Variants in SLC25A21 observed in about 807,000 individuals in gnomAD.
The protein encoded by SLC25A21 is solute carrier family 25 member 21.
In SLC25A21, 47 loss-of-function variants were observed where a neutral mutation model predicts 43.8. That is an observed-to-expected ratio of 1.07 (90% CI 0.85 to 1.37). The LOEUF is 1.37. SLC25A21 is among the 40% of genes most tolerant of loss of function. The pLI is 0.00. For synonymous variants in SLC25A21, 131 were observed against 121.3 expected (o/e 1.08, Z -0.52); for missense variants, 352 against 350.2 (o/e 1.00, Z -0.04).
chr14:36,997,984 C>A (rs1473773375), intron 1 of SLC25A21, among the ~76,000 whole-genome samples: 2 of 152,102 alleles, frequency 1.3e-5, no homozygotes, highest in Admixed American at 6.6e-5. Flanking sequence ...AACTTCTTTG[C>A]CCAAGGTTAC....
At chr14:36,983,050 T>C (rs1960065717) in intron 1 of SLC25A21, among the ~76,000 whole-genome samples, 1 of 152,198 alleles carries the variant, frequency 6.6e-6, no homozygotes, top group African/African-American at 2.4e-5. Context: ...AATTAACAGT[T>C]GGCCTTTCAT....
chr14:36,721,874 G>A lies in SLC25A21; in HGVS notation c.438+3696C>T, dbSNP rs187875026. Among the ~76,000 whole-genome samples, 16 of 152,288 alleles carry A rather than the reference G, an allele frequency of 1.1e-4. No individual in the cohort carries two copies. The South Asian group carries it at 2.9e-3, about 28-fold the overall frequency. On this transcript the variant is annotated intron_variant, in intron 6 of 9. Coordinates refer to ENST00000331299, the MANE Select transcript of SLC25A21 (RefSeq NM_030631.4). ...CTATATTTTCTAAATTTTCTACGAT[G>A]AGCATACATTACTTTTGAAAGTAAA...
chr14:37,089,842 AGTT>A (rs1962551648), intron 1 of SLC25A21, among the ~76,000 whole-genome samples: 1 of 152,202 alleles, frequency 6.6e-6, no homozygotes, highest in Admixed American at 6.5e-5. Flanking sequence ...TTTAGCCCCA[AGTT>A]GATGTCTTAT....
chr14:36,798,096 T>C (rs903360431), intron 3 of SLC25A21, among the ~76,000 whole-genome samples: 6 of 152,192 alleles, frequency 3.9e-5, no homozygotes, highest in Admixed American at 1.3e-4. Flanking sequence ...TAAAATGTGA[T>C]AGAAAGTAGT....
chr14:36,907,463 C>A (rs1194524533), intron 1 of SLC25A21, among the ~76,000 whole-genome samples: 11 of 151,920 alleles, frequency 7.2e-5, no homozygotes, highest in African/African-American at 2.4e-4. Flanking sequence ...TTTAAAAAAA[C>A]CTATCAGAAC....
chr14:36,793,718 C>T (rs1369094616), intron 3 of SLC25A21, among the ~76,000 whole-genome samples: 1 of 152,010 alleles, frequency 6.6e-6, no homozygotes, highest in Admixed American at 6.6e-5. Flanking sequence ...GTGCAGTTTC[C>T]ATAGAAATAA....
At chr14:36,772,669 G>A (rs1886665480) in intron 3 of SLC25A21, among the ~76,000 whole-genome samples, 1 of 152,126 alleles carries the variant, frequency 6.6e-6, no homozygotes, top group African/African-American at 2.4e-5. Context: ...CATATGATTC[G>A]AATTTGAACC....
At chr14:37,125,998 T>C (rs542023563) in intron 1 of SLC25A21, among the ~76,000 whole-genome samples, 13 of 152,340 alleles carry the variant, frequency 8.5e-5, no homozygotes, top group South Asian at 8.3e-4. Flanking sequence ...ATGGGTAATA[T>C]ATAAAGATGT....
At chr14:37,015,700 CCT>C (rs1374486596) in intron 1 of SLC25A21, among the ~76,000 whole-genome samples, 1 of 151,548 alleles carries the variant, frequency 6.6e-6, no homozygotes, top group East Asian at 1.9e-4. Context: ...CTCTCCAGCA[CCT>C]GTTGTTTCCT....
At position 36,879,779 on chromosome 14, in the gene SLC25A21, C is replaced by T. The variant is rs567974567; in HGVS notation, c.71-4775G>A. ...AACTTGACTGATCATTAACACCACC[C>T]CCACCTTCCTCTGAAATAACCTGCA... On this transcript the variant is annotated intron_variant, in intron 1 of 9. Transcript: ENST00000331299. Among the ~76,000 whole-genome samples the T allele has an allele frequency of 3.3e-5, 5 of 151,954 alleles. No individual in the cohort carries two copies. In the East Asian group the frequency reaches 9.7e-4, roughly 30 times the overall value.
At chr14:36,782,670 G>C (rs1719620829) in intron 3 of SLC25A21, among the ~76,000 whole-genome samples, 1 of 152,010 alleles carries the variant, frequency 6.6e-6, no homozygotes, top group South Asian at 2.1e-4. Flanking sequence ...TTCATGTTAG[G>C]GGGAGTTCAT....
rs77147968 is a variant in SLC25A21, at chr14:36,885,621, T to C, written c.71-10617A>G. The stretch of plus-strand genomic sequence containing the variant: ...AGGGTATCTTTCCATTTACTTGTAT[T>C]GTCTTCATGATACTGTTTTAAAGAG... On this transcript the variant is annotated intron_variant, in intron 1 of 9. Transcript: ENST00000331299. Among the ~76,000 whole-genome samples, 854 of 152,320 alleles carry C rather than the reference T, an allele frequency of 5.6e-3. 10 individuals are homozygous for C. The highest frequency in any genetic ancestry group is 0.017 in the African/African-American group (689 of 41,570).
intron 1 of SLC25A21, among the ~76,000 whole-genome samples, chr14:37,088,864 T>C (rs1055258428): frequency 2.0e-5 from 3 of 152,240 alleles, no homozygotes; most frequent in African/African-American, 7.2e-5. Flanking sequence ...GCATTATTTC[T>C]TTCTTACTCT....
chr14:36,919,366 T>C (rs2138621956), intron 1 of SLC25A21, among the ~76,000 whole-genome samples: 1 of 152,176 alleles, frequency 6.6e-6, no homozygotes, highest in East Asian at 1.9e-4. Context: ...GAGCTATCTT[T>C]AGGAGCAATG....
rs180715456 is a variant in SLC25A21 at position 37,029,849 on chromosome 14, C to T, written c.70+142432G>A. Among the ~76,000 whole-genome samples, 396 of 150,134 alleles carry T rather than the reference C, an allele frequency of 2.6e-3. 2 individuals carry two copies. The highest frequency in any genetic ancestry group is 8.9e-3 in the African/African-American group (363 of 40,812). ...GCATGACCTCGGCTCACTCCAACCT[C>T]TGCCTTCCAGGTTCCAGTGATTCTC... On this transcript the variant is annotated intron_variant, in intron 1 of 9. Transcript: ENST00000331299.
chr14:36,858,364 T>C (rs1347523948), intron 2 of SLC25A21, among the ~76,000 whole-genome samples: 1 of 152,180 alleles, frequency 6.6e-6, no homozygotes, highest in Non-Finnish European at 1.5e-5. Context: ...ACCTGATGTT[T>C]AAGCAACAAG....
intron 1 of SLC25A21, among the ~76,000 whole-genome samples, chr14:36,977,303 A>T (rs1319446264): frequency 6.6e-6 from 1 of 151,976 alleles, no homozygotes; most frequent in Non-Finnish European, 1.5e-5. Context: ...TATGAAGGAG[A>T]CTTATTGCAT....
At chr14:36,912,375 T>C (rs182082927) in intron 1 of SLC25A21, among the ~76,000 whole-genome samples, 63 of 152,308 alleles carry the variant, frequency 4.1e-4, no homozygotes, top group African/African-American at 1.4e-3. Flanking sequence ...TGGCAGAGCC[T>C]GAATCCATGC....
chr14:36,943,139 T>G (rs1302606011), intron 1 of SLC25A21, among the ~76,000 whole-genome samples: 1 of 152,190 alleles, frequency 6.6e-6, no homozygotes, highest in African/African-American at 2.4e-5. Context: ...ACTCTATGAT[T>G]TGCTGAAGAA....
Sources: gnomAD v4.1 joint callset for allele counts (sites outside exome capture counted in the v4.1 genomes callset) on GRCh38, gnomAD v4.1.1 for gene constraint, MANE v1.5 for transcripts, NCBI Gene and HGNC (gene_info 2026-07-23, HGNC 2026-07-21) for gene names.